The following UTRN variants were observed in gnomAD, a reference collection of about 807,000 sequenced individuals.
UTRN encodes dystrophin-related protein 1.
In UTRN, 283 loss-of-function variants were observed where a neutral mutation model predicts 463.9. That is an observed-to-expected ratio of 0.61 (90% CI 0.55 to 0.67). UTRN has a LOEUF of 0.67. UTRN is among the 30% of genes least tolerant of loss of function. The pLI, the probability that UTRN is intolerant of heterozygous loss-of-function variation, is 0.00. For missense variants in UTRN, 3,922 were observed against 4,084.3 expected (o/e 0.96, Z 1.08); for synonymous variants, 1,442 against 1,431.5 (o/e 1.01, Z -0.17).
rs1176076965 is a variant in UTRN, at chr6:144,451,370, G to T, written c.2073G>T (p.Lys691Asn). 8 of 1,611,064 alleles carry T rather than the reference G, an allele frequency of 5.0e-6. No homozygotes were observed. The highest frequency in any genetic ancestry group is 1.3e-5 in the African/African-American group (1 of 74,696). Residue 691 changes from lysine to asparagine, a missense_variant and splice_region_variant, in exon 18 of 75, where the codon AAG becomes AAT. Transcript: ENST00000367545. ...QIHVDIEAKK[K>N]FDAISAELLN... ...TGGTCACCTCTGAATCTTCAAACAG[G>T]TTTGATGCTATAAGTGCAGAGCTGT...
At chr6:144,544,992 A>C (rs936615325) in intron 46 of UTRN, among the ~76,000 whole-genome samples, 1 of 152,142 alleles carries the variant, frequency 6.6e-6, no homozygotes, top group African/African-American at 2.4e-5. Context: ...ATATACTACA[A>C]TCCTCTAAAT....
chr6:144,619,581 T>C (rs1346839853), intron 51 of UTRN, among the ~76,000 whole-genome samples: 1 of 152,220 alleles, frequency 6.6e-6, no homozygotes, highest in Non-Finnish European at 1.5e-5. Context: ...ATACATTTTT[T>C]ATTCTATGTG....
At chr6:144,787,910 G>A (rs1318436147) in intron 61 of UTRN, among the ~76,000 whole-genome samples, 1 of 151,968 alleles carries the variant, frequency 6.6e-6, no homozygotes, top group Non-Finnish European at 1.5e-5. Context: ...TAATAATAAA[G>A]ATAGCAATAA....
At chr6:144,604,492 T>C (rs1268229702) in intron 51 of UTRN, among the ~76,000 whole-genome samples, 1 of 152,200 alleles carries the variant, frequency 6.6e-6, no homozygotes, top group Non-Finnish European at 1.5e-5. Context: ...TATAAATGAA[T>C]TATTATTATT....
chr6:144,824,179 A>G (rs764988640), intron 66 of UTRN, among the ~76,000 whole-genome samples: 16 of 152,044 alleles, frequency 1.1e-4, no homozygotes, highest in Non-Finnish European at 2.2e-4. Context: ...GAACCATATA[A>G]TGAAGGGCCT....
At chr6:144,339,014 G>C (rs1017902652) in intron 2 of UTRN, among the ~76,000 whole-genome samples, 2 of 152,120 alleles carry the variant, frequency 1.3e-5, no homozygotes, top group African/African-American at 4.8e-5. Flanking sequence ...AAATTGCCCT[G>C]GATCTTGCTG....
intron 44 of UTRN, among the ~76,000 whole-genome samples, chr6:144,538,403 C>T (rs894036493): frequency 6.6e-6 from 1 of 151,876 alleles, no homozygotes; most frequent in Non-Finnish European, 1.5e-5. Flanking sequence ...GGTGTGGTGG[C>T]TCACGCCTGT....
intron 58 of UTRN, 57 bp downstream of exon 58, chr6:144,758,046 C>T (rs1792209420): frequency 1.1e-5 from 16 of 1,474,496 alleles, no homozygotes; most frequent in Non-Finnish European, 1.5e-5. Flanking sequence ...TTATTGATAA[C>T]TTAAGAGGCT....
intron 50 of UTRN, among the ~76,000 whole-genome samples, chr6:144,566,479 G>A (rs559599869): frequency 6.6e-6 from 1 of 152,246 alleles, no homozygotes; most frequent in African/African-American, 2.4e-5. Flanking sequence ...GATGGAGCAG[G>A]GAAGAGTAAG....
intron 51 of UTRN, chr6:144,583,517 A>G (rs1802177899): frequency 1.4e-6 from 1 of 716,090 alleles, no homozygotes; most frequent in Non-Finnish European, 2.6e-6. Flanking sequence ...TGTGGTGAGA[A>G]CGTCTCTGCA....
chr6:144,553,948 T>C (rs984676286), intron 48 of UTRN, among the ~76,000 whole-genome samples: 8 of 150,466 alleles, frequency 5.3e-5, no homozygotes, highest in Non-Finnish European at 1.0e-4. Flanking sequence ...TCCTTAGATC[T>C]GTCTGTCCTT....
intron 34 of UTRN, among the ~76,000 whole-genome samples, chr6:144,502,426 C>A (rs1794287063): frequency 6.6e-6 from 1 of 151,962 alleles, no homozygotes. Flanking sequence ...CAGCCCCCAA[C>A]AGGACCCAGT....
chr6:144,461,618 A>G (rs1789419421), intron 22 of UTRN, among the ~76,000 whole-genome samples: 1 of 152,248 alleles, frequency 6.6e-6, no homozygotes, highest in South Asian at 2.1e-4. Context: ...AAATATCTTT[A>G]TGAAATGAGG....
intron 58 of UTRN, among the ~76,000 whole-genome samples, chr6:144,762,821 TG>T (rs1477706835): frequency 1.3e-5 from 2 of 152,246 alleles, no homozygotes; most frequent in African/African-American, 4.8e-5. Flanking sequence ...GAAACACAGA[TG>T]GTTCTCTATA....
At chr6:144,287,153 AG>A (rs1341837519) in intron 1 of UTRN, among the ~76,000 whole-genome samples, 1 of 152,154 alleles carries the variant, frequency 6.6e-6, no homozygotes, top group East Asian at 1.9e-4. Flanking sequence ...CGGATAGCTC[AG>A]GGTCAGGGGA....
At chr6:144,824,612 A>ATATATATATC (rs1562955125) in intron 66 of UTRN, among the ~76,000 whole-genome samples, 1 of 39,802 alleles carries the variant, frequency 2.5e-5, no homozygotes, top group African/African-American at 1.2e-4. Flanking sequence ...ATATATATAT[A>ATATATATATC]TCTTTTTTTT....
At chr6:144,841,773 A>G (rs1781594820) in intron 73 of UTRN, among the ~76,000 whole-genome samples, 1 of 152,178 alleles carries the variant, frequency 6.6e-6, no homozygotes, top group African/African-American at 2.4e-5. Context: ...GAATTCATGT[A>G]AAGCATAGCC....
intron 51 of UTRN, among the ~76,000 whole-genome samples, chr6:144,613,695 C>A (rs2128643930): frequency 6.6e-6 from 1 of 151,942 alleles, no homozygotes; most frequent in East Asian, 1.9e-4. Flanking sequence ...TGGTGGTGGT[C>A]CCGCTACTGT....
intron 3 of UTRN, among the ~76,000 whole-genome samples, chr6:144,418,563 T>C (rs1481930824): frequency 6.6e-6 from 1 of 150,816 alleles, no homozygotes; most frequent in African/African-American, 2.4e-5. Context: ...TGTTGTTGTT[T>C]GTTTGTTTGT....
Sources: gnomAD v4.1 joint callset for allele counts (sites outside exome capture counted in the v4.1 genomes callset) on GRCh38, gnomAD v4.1.1 for gene constraint, MANE v1.5 for transcripts, NCBI Gene and HGNC (gene_info 2026-07-23, HGNC 2026-07-21) for gene names.